The following MMP21 variants were observed in gnomAD, a reference collection of about 807,000 sequenced individuals.
MMP21 encodes the protein matrix metallopeptidase 21.
In MMP21, 40 loss-of-function variants were observed where a neutral mutation model predicts 47.8. That is an observed-to-expected ratio of 0.84 (90% CI 0.65 to 1.09). MMP21 has a LOEUF of 1.09. Ranked by LOEUF, MMP21 falls within the 50% of genes least tolerant of loss-of-function variation. The probability of loss-of-function intolerance (pLI) is 0.00; values close to 1 mark genes in which losing one functional copy is unlikely to be tolerated. For synonymous variants in MMP21, 341 were observed against 318.0 expected (o/e 1.07, Z -0.77); for missense variants, 747 against 775.3 (o/e 0.96, Z 0.43).
chr10:125,767,829 C>T (rs1850403023), intron 5 of MMP21, 125 bp from the exon 6 acceptor site: 12 of 929,126 alleles, frequency 1.3e-5, no homozygotes, highest in Admixed American at 2.4e-5. Context: ...TAGGAGAAAA[C>T]GGGGCTTTCG....
Position 125,767,599 on chromosome 10 carries a change from G to C in MMP21, c.1343C>G (p.Pro448Arg). ...ATAAAACGCCGTGTCTAGGGGACTTGGGATGCCAGGAAATCCTTCTGAAAT... is the reference window on the plus strand; with the variant it reads ...ATAAAACGCCGTGTCTAGGGGACTTCGGATGCCAGGAAATCCTTCTGAAAT... ...KLISEGFPGIPSPLDTAFYDR... is the reference protein window; with the variant it reads ...KLISEGFPGIRSPLDTAFYDR... Residue 448 changes from proline (P) to arginine (R), a missense_variant, in exon 6 of 7, where the codon CCA (proline) becomes CGA (arginine). Coordinates refer to ENST00000368808, the MANE Select transcript of MMP21 (RefSeq NM_147191.1). The C allele has an allele frequency of 9.9e-6, 16 of 1,614,160 alleles. No homozygotes were observed. The highest frequency in any genetic ancestry group is 1.4e-5 in the Non-Finnish European group (16 of 1,180,034).
Position 125,772,456 on chromosome 10 carries a change from G to A in MMP21, c.838-97C>T. ...CTGTGCTTCGAGAGGAGCGTTGCTT[G>A]TGAAGAGGGGAGCACCGGTGGAACT... On this transcript the variant is annotated intron_variant, in intron 3 of 6. Coordinates refer to ENST00000368808, the MANE Select transcript of MMP21 (RefSeq NM_147191.1). This position sits in a 1 kb window ranked among gnomAD's most constrained non-coding sequence, Gnocchi z 5.6. 1 of 1,575,602 alleles carries A rather than the reference G, an allele frequency of 6.3e-7. No homozygotes were observed. The highest frequency in any genetic ancestry group is 2.2e-5 in the East Asian group (1 of 44,600).
chr10:125,766,921 G>T lies in MMP21; in HGVS notation c.1451C>A (p.Ser484Tyr). ...FDVNRNRVLN[S>Y]YPKRITEVFP... ...AACTTCAGTAATCCTCTTTGGATAA[G>T]AATTAAGTACTCGATTTCTGTTGAC... Residue 484 changes from serine (S) to tyrosine (Y), a missense_variant, in exon 7 of 7, where the codon TCT becomes TAT. By Grantham distance (144) the Ser-to-Tyr change is moderately radical. Transcript: ENST00000368808. 6.2e-7 allele frequency: 1 copy of T among 1,606,274 alleles called. No individual in the cohort carries two copies. The highest frequency in any genetic ancestry group is 8.5e-7 in the Non-Finnish European group (1 of 1,177,686).
At chr10:125,775,559 C>A (rs1850507117) in intron 1 of MMP21, 101 bp downstream of exon 1, 2 of 1,426,174 alleles carry the variant, frequency 1.4e-6, no homozygotes, top group Admixed American at 5.2e-5. Flanking sequence ...TCTGCCTCTG[C>A]ACAGCCGGCA....
chr10:125,774,877 T>C (rs1850499313), intron 1 of MMP21, among the ~76,000 whole-genome samples: 1 of 152,000 alleles, frequency 6.6e-6, no homozygotes, highest in Non-Finnish European at 1.5e-5. Context: ...TCCTGAGAGC[T>C]GGGAATTGGA....
chr10:125,769,531 G>A (rs192418639), intron 5 of MMP21, among the ~76,000 whole-genome samples: 30 of 152,140 alleles, frequency 2.0e-4, no homozygotes, highest in Non-Finnish European at 2.9e-4. Flanking sequence ...TCTGCTGCTC[G>A]TCTCTGACCA....
At position 125,767,781 on chromosome 10, in the gene MMP21, G is replaced by A. The variant is rs1850402575; in HGVS notation, c.1238-77C>T. The A allele has an allele frequency of 2.7e-6, 4 of 1,462,196 alleles. No individual in the cohort carries two copies. In the South Asian group the frequency reaches 4.9e-5, roughly 18 times the overall value. The allele number at this position is 1,462,196 out of a possible 1,614,324, so 90.6% of individuals were successfully genotyped here. Reference sequence around the variant, plus strand: ...GACAAAAAGGACAGTTTTCAATCTAGGTCTCAGCCAATCCTGTACAATGTG... The same window carrying A: ...GACAAAAAGGACAGTTTTCAATCTAAGTCTCAGCCAATCCTGTACAATGTG... On this transcript the variant is annotated intron_variant, in intron 5 of 6. Transcript: ENST00000368808.
In MMP21 at chr10:125,772,554, C is replaced by T. The variant is rs751017139; in HGVS notation, c.837+57G>A. On this transcript the variant is annotated intron_variant, in intron 3 of 6. Transcript: ENST00000368808. The surrounding 1 kb of genome is among the most constrained non-coding windows in gnomAD (Gnocchi z 5.6). ...ATGAGAAAAGCTTGGACTTTTTGGA[C>T]GTCAGCCCATGAGCACTGCTGGTGT... 6.3e-5 allele frequency: 101 copies of T among 1,608,548 alleles called. 1 individual carries two copies. The highest frequency in any genetic ancestry group is 5.0e-4 in the Middle Eastern group (3 of 6,054).
Position 125,773,144 on chromosome 10 carries a change from T to C in MMP21, c.698-394A>G, listed in dbSNP as rs1850473537. Among the ~76,000 whole-genome samples the C allele has an allele frequency of 6.6e-6, 1 of 152,148 alleles. No individual in the cohort carries two copies. Among genetic ancestry groups the C allele is most frequent in the African/African-American group, 2.4e-5 (1 of 41,420 alleles). ...TTTTCAGCCAACCGTGTCCCTATAC[T>C]TCTCACCCTGGGACATTAACCCAGT... On this transcript the variant is annotated intron_variant, in intron 2 of 6. Transcript: ENST00000368808. The surrounding 1 kb of genome is among the most constrained non-coding windows in gnomAD (Gnocchi z 4.8).
chr10:125,772,439 C>G lies in MMP21; in HGVS notation c.838-80G>C. The G allele has an allele frequency of 1.3e-6, 2 of 1,589,438 alleles. No individual in the cohort carries two copies. The highest frequency in any genetic ancestry group is 1.7e-6 in the Non-Finnish European group (2 of 1,164,264). On this transcript the variant is annotated intron_variant, in intron 3 of 6. Coordinates refer to ENST00000368808, the MANE Select transcript of MMP21 (RefSeq NM_147191.1). The surrounding 1 kb of genome is among the most constrained non-coding windows in gnomAD (Gnocchi z 5.6). ...GCATAACAGACGCAGGCCTGTGCTT[C>G]GAGAGGAGCGTTGCTTGTGAAGAGG...
chr10:125,775,047 G>A (rs900751338), intron 1 of MMP21, among the ~76,000 whole-genome samples: 2 of 152,338 alleles, frequency 1.3e-5, no homozygotes, highest in African/African-American at 4.8e-5. Flanking sequence ...GGGAGCTGGG[G>A]ATTGGACTTG....
In MMP21 at chr10:125,768,595, A is replaced by C. The variant is rs533624147; in HGVS notation, c.1238-891T>G. On this transcript the variant is annotated intron_variant, in intron 5 of 6. Coordinates refer to ENST00000368808, the MANE Select transcript of MMP21 (RefSeq NM_147191.1). ...AACCAAATATTTAATATACTTGGAAAATTTCACCATTAACAGTGTGACGTT... is the reference window on the plus strand; with the variant it reads ...AACCAAATATTTAATATACTTGGAACATTTCACCATTAACAGTGTGACGTT... Among the ~76,000 whole-genome samples the C allele has an allele frequency of 3.3e-5, 5 of 152,364 alleles. No individual in the cohort carries two copies. In the East Asian group the frequency reaches 7.7e-4, roughly 23 times the overall value.
In MMP21 at chr10:125,766,590, T is replaced by C. The variant is rs1399295136; in HGVS notation, c.*72A>G. On this transcript the variant is annotated 3_prime_UTR_variant, in exon 7 of 7. Transcript: ENST00000368808. ...CCATATTTTCTTCAGCTACTGAAAA[T>C]CCGGTTTTCTTTGTAAACAGTATCA... 7.6e-7 allele frequency: 1 copy of C among 1,315,678 alleles called. No homozygotes were observed. The highest frequency in any genetic ancestry group is 1.0e-6 in the Non-Finnish European group (1 of 972,702). The allele number at this position is 1,315,678 out of a possible 1,614,324, so 81.5% of individuals were successfully genotyped here.
chr10:125,772,201 C>A lies in MMP21; in HGVS notation c.979+17G>T. 2 of 1,613,890 alleles carry A rather than the reference C, an allele frequency of 1.2e-6. No homozygotes were observed. The highest frequency in any genetic ancestry group is 2.2e-5 in the South Asian group (2 of 91,040). On this transcript the variant is annotated intron_variant, in intron 4 of 6. Coordinates refer to ENST00000368808, the MANE Select transcript of MMP21 (RefSeq NM_147191.1). This position sits in a 1 kb window ranked among gnomAD's most constrained non-coding sequence, Gnocchi z 5.6. ...TGTCCTCCGCTAGCTCAGGGATGCC[C>A]TCCGCAGCAGTCTTACCATACAGCT...
In MMP21 at chr10:125,770,511, A is replaced by G; in HGVS notation, c.1060T>C (p.Phe354Leu). The change falls in exon 5 of 7, where the codon TTT becomes CTT. Residue 354 changes from phenylalanine (F) to leucine (L), a missense_variant. Coordinates refer to ENST00000368808, the MANE Select transcript of MMP21 (RefSeq NM_147191.1). The part of the protein sequence containing the change: ...RNQYGEVMVR[F>L]STYFFRNSWY... ...CTGTTACGGAAGAAATATGTGCTAA[A>G]TCTCACCATCACCTCTCCATATTGG... 6.2e-7 allele frequency: 1 copy of G among 1,614,136 alleles called. No homozygotes were observed. The highest frequency in any genetic ancestry group is 1.1e-5 in the South Asian group (1 of 91,070).
chr10:125,766,897 ACTTC>A lies in MMP21; in HGVS notation c.1471_1474del (p.Glu491PhefsTer5). 6.2e-7 allele frequency: 1 copy of A among 1,612,764 alleles called. No homozygotes were observed. Among genetic ancestry groups the A allele is most frequent in the East Asian group, 2.2e-5 (1 of 44,818 alleles). ...ATTTTGTGGTATTACTGCTGGAAAA[ACTTC>A]AGTAATCCTCTTTGGATAAGAATTA... On this transcript the variant is annotated frameshift_variant, in exon 7 of 7. Coordinates refer to ENST00000368808, the MANE Select transcript of MMP21 (RefSeq NM_147191.1). LOFTEE classifies it low-confidence loss of function (END_TRUNC).
At chr10:125,768,471 C>T (rs748169364) in intron 5 of MMP21, among the ~76,000 whole-genome samples, 2 of 152,224 alleles carry the variant, frequency 1.3e-5, no homozygotes, top group Non-Finnish European at 2.9e-5. Context: ...AGTTCCTAAT[C>T]CTGGATATTT....
chr10:125,775,597 G>C (rs1850507770), intron 1 of MMP21, 63 bp downstream of exon 1: 3 of 1,503,942 alleles, frequency 2.0e-6, no homozygotes, highest in South Asian at 2.7e-5. Flanking sequence ...GCGCGCGTGC[G>C]CATGTGCCTG....
rs115607642 is a variant in MMP21 at position 125,773,632 on chromosome 10, A to C, written c.697+199T>G. Among the ~76,000 whole-genome samples, 1,293 of 152,118 alleles carry C rather than the reference A, an allele frequency of 8.5e-3. 17 individuals are homozygous for C. The highest frequency in any genetic ancestry group is 0.029 in the African/African-American group (1,190 of 41,528). On this transcript the variant is annotated intron_variant, in intron 2 of 6. Transcript: ENST00000368808. This position sits in a 1 kb window ranked among gnomAD's most constrained non-coding sequence, Gnocchi z 4.8. ...CGGCCCTAGTGTCCCAGTAGGCCAC[A>C]CCAGGCTATCTGCAGGGTGACCATG...
Sources: allele counts gnomAD v4.1 joint callset (sites outside exome capture counted in the v4.1 genomes callset), GRCh38; gene constraint gnomAD v4.1.1; non-coding constraint Gnocchi (gnomAD v3.1); transcripts MANE v1.5; gene names NCBI Gene and HGNC (gene_info 2026-07-23, HGNC 2026-07-21).